LINGO2: variants seen among roughly 807,000 people sequenced by gnomAD.
LINGO2 encodes leucine rich repeat and Ig domain containing 2.
A neutral mutation model predicts 30.6 loss-of-function variants in LINGO2; 14 were observed. The ratio of observed to expected loss-of-function variants is 0.46; its 90% CI spans 0.30 to 0.72. The LOEUF is 0.72. Ranked by LOEUF, LINGO2 falls within the 30% of genes least tolerant of loss-of-function variation. The pLI is 0.07. For synonymous variants in LINGO2, 317 were observed against 288.5 expected, an observed-to-expected ratio of 1.10 and a Z score of -1.00; for missense variants, 729 against 751.7, an observed-to-expected ratio of 0.97 and a Z score of 0.35.
intron 2 of LINGO2, among the ~76,000 whole-genome samples, chr9:28,447,770 T>C (rs139120296): frequency 6.6e-6 from 1 of 152,174 alleles, no homozygotes; most frequent in African/African-American, 2.4e-5. Flanking sequence ...GCAAACAAGT[T>C]TATAACACAA....
intron 1 of LINGO2, among the ~76,000 whole-genome samples, chr9:28,517,944 T>G (rs1414471120): frequency 6.6e-6 from 1 of 152,172 alleles, no homozygotes; most frequent in Admixed American, 6.5e-5. Flanking sequence ...AACTTTTAAA[T>G]TTGTTCGAAC....
At chr9:28,997,816 C>T in the LINGO2 span, among the ~76,000 whole-genome samples, 3 of 107,716 alleles carry the variant, frequency 2.8e-5, no homozygotes, top group Non-Finnish European at 4.1e-5. Flanking sequence ...GAGCAAGACT[C>T]TGTCTCAAAA....
At chr9:28,567,231 A>G (rs566856169) in intron 1 of LINGO2, among the ~76,000 whole-genome samples, 3 of 152,104 alleles carry the variant, frequency 2.0e-5, no homozygotes, top group African/African-American at 7.2e-5. Context: ...AACAGTAGAA[A>G]ATTTCTCAAA....
the LINGO2 span, among the ~76,000 whole-genome samples, chr9:28,876,329 C>A: frequency 6.6e-6 from 1 of 151,812 alleles, no homozygotes; most frequent in African/African-American, 2.4e-5. Context: ...ATACATGTGC[C>A]ATGCTGGTGT....
At chr9:28,090,043 A>G (rs1826030823) in intron 4 of LINGO2, among the ~76,000 whole-genome samples, 1 of 152,166 alleles carries the variant, frequency 6.6e-6, no homozygotes, top group Non-Finnish European at 1.5e-5. Flanking sequence ...TAGACCAATA[A>G]CAGGCTCTGA....
chr9:28,931,126 T>C, the LINGO2 span, among the ~76,000 whole-genome samples: 1 of 152,346 alleles, frequency 6.6e-6, no homozygotes. Context: ...ACTGCCACAA[T>C]GTCCCTAGCC....
In LINGO2 at chr9:28,167,501, C is replaced by G. The variant is rs563837654; in HGVS notation, c.-87+127707G>C. ...ATTCAAGCGATTCTCATGCCTCAACCTCCTGAGTAGCTGTGATTATAAGCA... is the reference window on the plus strand; with the variant it reads ...ATTCAAGCGATTCTCATGCCTCAACGTCCTGAGTAGCTGTGATTATAAGCA... On this transcript the variant is annotated intron_variant, in intron 4 of 5. Transcript: ENST00000379992. Among the ~76,000 whole-genome samples, 187 of 152,326 alleles carry G rather than the reference C, an allele frequency of 1.2e-3. 1 individual carries two copies. The highest frequency in any genetic ancestry group is 4.4e-3 in the African/African-American group (183 of 41,570).
chr9:28,020,343 A>G (rs1823050642), intron 4 of LINGO2, among the ~76,000 whole-genome samples: 1 of 152,152 alleles, frequency 6.6e-6, no homozygotes, highest in Admixed American at 6.5e-5. Flanking sequence ...AGCCTAACCA[A>G]TACGGTGAAA....
the LINGO2 span, among the ~76,000 whole-genome samples, chr9:29,168,760 T>C: frequency 6.6e-6 from 1 of 152,186 alleles, no homozygotes; most frequent in East Asian, 1.9e-4. Context: ...ATAAGACAGA[T>C]ACTTCCTTAC....
the LINGO2 span, among the ~76,000 whole-genome samples, chr9:28,802,100 C>T: frequency 4.6e-5 from 7 of 151,512 alleles, no homozygotes; most frequent in Admixed American, 6.6e-5. Flanking sequence ...AATATTTATA[C>T]GAATGTTTAT....
the LINGO2 span, among the ~76,000 whole-genome samples, chr9:29,203,669 G>T: frequency 6.6e-6 from 1 of 152,174 alleles, no homozygotes; most frequent in East Asian, 1.9e-4. Context: ...TTACAACGTT[G>T]TAACTGAAAA....
chr9:27,998,165 A>AC (rs1238693057), intron 5 of LINGO2, among the ~76,000 whole-genome samples: 2 of 105,362 alleles, frequency 1.9e-5, no homozygotes, highest in East Asian at 6.2e-4. Flanking sequence ...GCCTATGTCT[A>AC]CATTGACCAA....
chr9:28,342,062 G>C (rs1405041486), intron 3 of LINGO2, among the ~76,000 whole-genome samples: 3 of 152,110 alleles, frequency 2.0e-5, no homozygotes, highest in Admixed American at 6.5e-5. Flanking sequence ...TATGGGGAAA[G>C]TTCTCCTTCT....
At chr9:28,549,155 T>A (rs989637061) in intron 1 of LINGO2, among the ~76,000 whole-genome samples, 9 of 152,118 alleles carry the variant, frequency 5.9e-5, no homozygotes, top group Non-Finnish European at 1.3e-4. Flanking sequence ...TTTGAATTAT[T>A]CACACACACC....
the LINGO2 span, among the ~76,000 whole-genome samples, chr9:29,186,015 C>A: frequency 6.6e-6 from 1 of 152,078 alleles, no homozygotes; most frequent in African/African-American, 2.4e-5. Flanking sequence ...CTTTCCAGGT[C>A]AATCACTTTT....
chr9:28,655,178 C>A (rs1013152059), intron 1 of LINGO2, among the ~76,000 whole-genome samples: 3 of 152,060 alleles, frequency 2.0e-5, no homozygotes, highest in Admixed American at 1.3e-4. Context: ...GGACTTCCTT[C>A]TTCACTGGGA....
At chr9:28,906,154 G>T in the LINGO2 span, among the ~76,000 whole-genome samples, 1 of 151,894 alleles carries the variant, frequency 6.6e-6, no homozygotes, top group African/African-American at 2.4e-5. Context: ...GGCTCTAGGT[G>T]GCAGGCTGGG....
intron 3 of LINGO2, among the ~76,000 whole-genome samples, chr9:28,371,717 G>A (rs1211307850): frequency 1.3e-5 from 2 of 152,058 alleles, no homozygotes; most frequent in Non-Finnish European, 2.9e-5. Flanking sequence ...GGCCAGATTA[G>A]GATTTCTTTG....
the LINGO2 span, among the ~76,000 whole-genome samples, chr9:28,754,840 C>T: frequency 6.6e-6 from 1 of 151,810 alleles, no homozygotes; most frequent in African/African-American, 2.4e-5. Context: ...ACAGTGTTAG[C>T]CAGGATGGTC....
Sources: gnomAD v4.1 joint callset for allele counts (sites outside exome capture counted in the v4.1 genomes callset) on GRCh38, gnomAD v4.1.1 for gene constraint, MANE v1.5 for transcripts, NCBI Gene and HGNC (gene_info 2026-07-23, HGNC 2026-07-21) for gene names.